Variants in TM6SF1 observed in about 807,000 individuals in gnomAD.
The protein encoded by TM6SF1 is transmembrane 6 superfamily member 1.
A neutral mutation model predicts 47.1 loss-of-function variants in TM6SF1; 43 were observed. The ratio of observed to expected loss-of-function variants is 0.91; its 90% CI spans 0.72 to 1.18. The LOEUF (loss-of-function observed/expected upper bound fraction) is 1.18. Ranked by LOEUF, TM6SF1 falls within the 50% of genes most tolerant of loss-of-function variation. The pLI is 0.00. For missense variants in TM6SF1, 390 were observed against 449.0 expected (o/e 0.87, Z 1.19); for synonymous variants, 177 against 166.3 (o/e 1.06, Z -0.49).
At chr15:83,124,402 T>C (rs1265858898) in intron 6 of TM6SF1, among the ~76,000 whole-genome samples, 1 of 152,154 alleles carries the variant, frequency 6.6e-6, no homozygotes, top group Admixed American at 6.5e-5. Flanking sequence ...TTTATTATCA[T>C]TAAAATGTCA....
At chr15:83,129,168 T>A (rs962291656) in intron 9 of TM6SF1, 10 of 149,522 alleles carry the variant, frequency 6.7e-5, no homozygotes, top group African/African-American at 2.5e-4. Flanking sequence ...CTCCAACCCA[T>A]TTTTTTTTTC....
At chr15:83,124,556 T>C in intron 6 of TM6SF1, 116 bp from the exon 7 acceptor site, 1 of 748,606 alleles carries the variant, frequency 1.3e-6, no homozygotes, top group Non-Finnish European at 2.3e-6. Flanking sequence ...TGATTTATGA[T>C]ATAAATTGTG....
At chr15:83,113,075 C>A in intron 2 of TM6SF1, 175 bp downstream of exon 2, 2 of 618,782 alleles carry the variant, frequency 3.2e-6, no homozygotes, top group Non-Finnish European at 5.8e-6. Context: ...GCCTCTCAGG[C>A]AGTGGACTCC....
chr15:83,121,732 T>C (rs893131444), intron 4 of TM6SF1, among the ~76,000 whole-genome samples, 189 bp from the exon 5 acceptor site: 5 of 152,246 alleles, frequency 3.3e-5, no homozygotes, highest in Non-Finnish European at 7.3e-5. Flanking sequence ...GAAGGTTCTA[T>C]AGTATATCAC....
intron 1 of TM6SF1, chr15:83,111,500 C>A: frequency 2.7e-6 from 1 of 373,970 alleles, no homozygotes; most frequent in Non-Finnish European, 3.7e-6. Context: ...ATCATCCATC[C>A]ATCTATCCAT....
At position 83,127,365 on chromosome 15, in the gene TM6SF1, CAT is replaced by C; in HGVS notation, c.814_815del (p.Met272ValfsTer24). The stretch of plus-strand genomic sequence containing the variant: ...TTTCTCTGTTCAATACAGATGCTGG[CAT>C]ATATGTTCTATTCTGTTCCTTACTT... On this transcript the variant is annotated frameshift_variant, in exon 9 of 10. Transcript: ENST00000322019. LOFTEE classifies it high-confidence loss of function. 6.2e-7 allele frequency: 1 copy of C among 1,612,344 alleles called. No homozygotes were observed. Among genetic ancestry groups the C allele is most frequent in the Non-Finnish European group, 8.5e-7 (1 of 1,179,382 alleles).
chr15:83,116,543 G>A (rs1156334390), intron 3 of TM6SF1, among the ~76,000 whole-genome samples: 1 of 152,196 alleles, frequency 6.6e-6, no homozygotes, highest in Non-Finnish European at 1.5e-5. Context: ...TCAGATAATG[G>A]GGAGCTTTGT....
chr15:83,110,846 C>G (rs1253197522), intron 1 of TM6SF1, among the ~76,000 whole-genome samples: 1 of 152,190 alleles, frequency 6.6e-6, no homozygotes, highest in Non-Finnish European at 1.5e-5. Context: ...AACAGCCACC[C>G]TCATTCTTTT....
intron 5 of TM6SF1, among the ~76,000 whole-genome samples, chr15:83,122,452 T>C (rs924605453): frequency 2.0e-5 from 3 of 152,176 alleles, no homozygotes; most frequent in South Asian, 2.1e-4. Context: ...CAAACATATA[T>C]AGATACCTAT....
rs530075132 is a variant in TM6SF1 at position 83,109,222 on chromosome 15, G to A, written c.92+1450G>A. On this transcript the variant is annotated intron_variant, in intron 1 of 9. Coordinates refer to ENST00000322019, the MANE Select transcript of TM6SF1 (RefSeq NM_023003.5). ...GCTTCTAGGAGGAGGTAACACTTGA[G>A]CTATGGGAAGATCTGGGAATGGAGC... Among the ~76,000 whole-genome samples the A allele has an allele frequency of 2.6e-5, 4 of 152,334 alleles. No individual in the cohort carries two copies. The East Asian group carries it at 7.7e-4, about 29-fold the overall frequency.
Position 83,122,739 on chromosome 15 carries a change from T to C in TM6SF1, c.482-18T>C, listed in dbSNP as rs2035385833. 8 of 1,610,670 alleles carry C rather than the reference T, an allele frequency of 5.0e-6. No homozygotes were observed. Among genetic ancestry groups the C allele is most frequent in the Admixed American group, 1.7e-5 (1 of 59,458 alleles). The stretch of plus-strand genomic sequence containing the variant: ...ATATGCTTTTGGTAACTTCTTTCTC[T>C]TTCTCTCTTTTAAATAGGGAAGTAT... On this transcript the variant is annotated intron_variant, in intron 5 of 9. Coordinates refer to ENST00000322019, the MANE Select transcript of TM6SF1 (RefSeq NM_023003.5).
In TM6SF1 at chr15:83,107,794, G is replaced by C. The variant is rs756692490; in HGVS notation, c.92+22G>C. On this transcript the variant is annotated intron_variant, in intron 1 of 9. Coordinates refer to ENST00000322019, the MANE Select transcript of TM6SF1 (RefSeq NM_023003.5). The surrounding 1 kb of genome is among the most constrained non-coding windows in gnomAD (Gnocchi z 5.6). ...ATGAGTGAGTGAGCCGGCGCGGCGGGGGTCGCGCCGAGGGGCGGCGGGAGT... is the reference window on the plus strand; with the variant it reads ...ATGAGTGAGTGAGCCGGCGCGGCGGCGGTCGCGCCGAGGGGCGGCGGGAGT... 6.4e-7 allele frequency: 1 copy of C among 1,566,998 alleles called. No individual in the cohort carries two copies. Among genetic ancestry groups the C allele is most frequent in the African/African-American group, 1.4e-5 (1 of 70,902 alleles).
At chr15:83,131,331 GAA>G (rs2036230959) in intron 9 of TM6SF1, 2 of 151,986 alleles carry the variant, frequency 1.3e-5, no homozygotes, top group Admixed American at 1.3e-4. Flanking sequence ...TAGGCCAATG[GAA>G]GAAATATTGA....
chr15:83,111,642 G>A (rs2034192252), intron 1 of TM6SF1: 1 of 985,326 alleles, frequency 1.0e-6, no homozygotes, highest in African/African-American at 1.7e-5. Context: ...TCTCAGTTGA[G>A]GAGTGGTGCT....
intron 1 of TM6SF1, among the ~76,000 whole-genome samples, chr15:83,110,877 T>A (rs2034082995): frequency 1.3e-5 from 2 of 152,212 alleles, no homozygotes; most frequent in Non-Finnish European, 2.9e-5. Context: ...TAATTAATTG[T>A]TATTATTTTT....
rs2036645866 is a variant in TM6SF1 at position 83,136,841 on chromosome 15, G to A, written c.*169G>A. ...TGGTATTGTGTAAATTTTTTTTGAA[G>A]GAAAATGGAAATTCTTGAGAAACAG... is the stretch of plus-strand genomic sequence containing the variant. On this transcript the variant is annotated 3_prime_UTR_variant, in exon 10 of 10. Coordinates refer to ENST00000322019, the MANE Select transcript of TM6SF1 (RefSeq NM_023003.5). 12 of 436,254 alleles carry A rather than the reference G, an allele frequency of 2.8e-5. No homozygotes were observed. In the South Asian group the frequency reaches 2.8e-4, roughly 10 times the overall value. The allele number at this position is 436,254 out of a possible 1,614,324, so 27.0% of individuals were successfully genotyped here.
intron 9 of TM6SF1, chr15:83,135,206 A>G (rs1291347727): frequency 6.6e-6 from 1 of 152,232 alleles, no homozygotes; most frequent in African/African-American, 2.4e-5. Flanking sequence ...TGCCACTGAT[A>G]AAAAATTCAT....
At chr15:83,131,594 C>T (rs976072760) in intron 9 of TM6SF1, 1 of 152,524 alleles carries the variant, frequency 6.6e-6, no homozygotes, top group Non-Finnish European at 1.5e-5. Flanking sequence ...ATCACGCCCA[C>T]TACACTGCAG....
intron 9 of TM6SF1, chr15:83,133,227 AAC>A (rs1457841505): frequency 6.6e-6 from 1 of 152,264 alleles, no homozygotes; most frequent in Non-Finnish European, 1.5e-5. Context: ...AAGAAAAGAT[AAC>A]ACAGTTCTAG....
Sources: allele counts gnomAD v4.1 joint callset (sites outside exome capture counted in the v4.1 genomes callset), GRCh38; gene constraint gnomAD v4.1.1; non-coding constraint Gnocchi (gnomAD v3.1); transcripts MANE v1.5; gene names NCBI Gene and HGNC (gene_info 2026-07-23, HGNC 2026-07-21).